The following SORCS3 variants were observed in gnomAD, a reference collection of about 807,000 sequenced individuals.
SORCS3 encodes the protein VPS10 domain-containing receptor SorCS3.
In SORCS3, 57 loss-of-function variants were observed where a neutral mutation model predicts 146.3. That is an observed-to-expected ratio of 0.39 (90% CI 0.31 to 0.49). The LOEUF is 0.49. Ranked by LOEUF, SORCS3 falls within the 20% of genes least tolerant of loss-of-function variation. SORCS3 has a pLI of 0.92. For missense variants in SORCS3, 1,341 were observed against 1,575.5 expected, an observed-to-expected ratio of 0.85 and a Z score of 2.52; for synonymous variants, 653 against 618.5, an observed-to-expected ratio of 1.06 and a Z score of -0.83.
chr10:104,714,798 C>T (rs1412593790), intron 1 of SORCS3, among the ~76,000 whole-genome samples: 1 of 152,168 alleles, frequency 6.6e-6, no homozygotes, highest in Non-Finnish European at 1.5e-5. Flanking sequence ...GACTTCCCTG[C>T]CTTTCTCTCT....
intron 22 of SORCS3, among the ~76,000 whole-genome samples, chr10:105,250,954 A>G (rs2056894515): frequency 6.6e-6 from 1 of 152,188 alleles, no homozygotes; most frequent in Non-Finnish European, 1.5e-5. Flanking sequence ...GCAAATGGAA[A>G]ACAACCAAAC....
chr10:105,029,014 G>T lies in SORCS3; in HGVS notation c.955-14041G>T, dbSNP rs941868562. ...TCAACTCTAATGAAAGTGTGGCTAT[G>T]TTCCAATCAAACTATCTTTACAAAA... On this transcript the variant is annotated intron_variant, in intron 4 of 26. Coordinates refer to ENST00000369701, the MANE Select transcript of SORCS3 (RefSeq NM_014978.3). Among the ~76,000 whole-genome samples, 4 of 152,308 alleles carry T rather than the reference G, an allele frequency of 2.6e-5. No homozygotes were observed. In the South Asian group the frequency reaches 6.2e-4, roughly 24 times the overall value.
At chr10:105,251,008 C>A (rs1486294803) in intron 22 of SORCS3, among the ~76,000 whole-genome samples, 9 of 152,200 alleles carry the variant, frequency 5.9e-5, no homozygotes. Context: ...TTAATTTTTA[C>A]TCTGTGTCAA....
At chr10:104,810,075 A>G (rs534581153) in intron 1 of SORCS3, among the ~76,000 whole-genome samples, 1 of 152,230 alleles carries the variant, frequency 6.6e-6, no homozygotes, top group Non-Finnish European at 1.5e-5. Flanking sequence ...AAGCAGAGCC[A>G]TATGCCACAT....
At chr10:105,079,655 A>G (rs369189901) in intron 5 of SORCS3, among the ~76,000 whole-genome samples, 35 of 152,166 alleles carry the variant, frequency 2.3e-4, no homozygotes, top group African/African-American at 8.0e-4. Flanking sequence ...TGATGTACAG[A>G]TTATTTTGTC....
At chr10:104,703,252 G>A (rs2016300952) in intron 1 of SORCS3, among the ~76,000 whole-genome samples, 3 of 152,078 alleles carry the variant, frequency 2.0e-5, no homozygotes, top group Admixed American at 6.6e-5. Context: ...GGCCTGATAG[G>A]TCAAATGGTA....
At chr10:105,125,679 C>CACACACACACACACACACACACACACA (rs370356129) in intron 7 of SORCS3, among the ~76,000 whole-genome samples, 12 of 144,486 alleles carry the variant, frequency 8.3e-5, no homozygotes, top group East Asian at 6.4e-4. Flanking sequence ...CACTGAATAT[C>CACACACACACACACACACACACACACA]CACACACACA....
At chr10:104,923,283 A>C (rs2019106385) in intron 3 of SORCS3, among the ~76,000 whole-genome samples, 1 of 152,286 alleles carries the variant, frequency 6.6e-6, no homozygotes, top group South Asian at 2.1e-4. Context: ...GGAAGTCCTT[A>C]GGAAGTGTAA....
At chr10:105,066,523 C>G (rs2055523709) in intron 5 of SORCS3, among the ~76,000 whole-genome samples, 1 of 152,112 alleles carries the variant, frequency 6.6e-6, no homozygotes, top group Non-Finnish European at 1.5e-5. Flanking sequence ...GATTTGCTGC[C>G]TCACATTTGG....
chr10:104,952,261 A>G (rs1190936870), intron 3 of SORCS3, among the ~76,000 whole-genome samples: 5 of 102,316 alleles, frequency 4.9e-5, no homozygotes, highest in South Asian at 6.3e-4. Context: ...GTTTGAAAAA[A>G]AAAAAAAAAA....
intron 2 of SORCS3, among the ~76,000 whole-genome samples, chr10:104,848,155 A>G (rs1473852018): frequency 1.3e-5 from 2 of 152,078 alleles, no homozygotes; most frequent in Non-Finnish European, 2.9e-5. Context: ...AATAGCCCCA[A>G]ACCAATCCCA....
chr10:104,926,958 A>T (rs1280912369), intron 3 of SORCS3, among the ~76,000 whole-genome samples: 1 of 152,190 alleles, frequency 6.6e-6, no homozygotes, highest in South Asian at 2.1e-4. Flanking sequence ...TAATTTTTTT[A>T]AAAATAAAGA....
At chr10:105,146,136 A>G (rs986078588) in intron 8 of SORCS3, among the ~76,000 whole-genome samples, 2 of 152,072 alleles carry the variant, frequency 1.3e-5, no homozygotes, top group African/African-American at 4.8e-5. Flanking sequence ...ACTCTTTGGC[A>G]TATACACCAG....
At chr10:104,940,524 G>C (rs1456992116) in intron 3 of SORCS3, among the ~76,000 whole-genome samples, 1 of 150,876 alleles carries the variant, frequency 6.6e-6, no homozygotes, top group Non-Finnish European at 1.5e-5. Context: ...ATAGTTTGCT[G>C]AGAATGATGG....
At chr10:104,903,403 A>G (rs1052708971) in intron 2 of SORCS3, among the ~76,000 whole-genome samples, 2 of 152,176 alleles carry the variant, frequency 1.3e-5, no homozygotes, top group African/African-American at 4.8e-5. Flanking sequence ...CAGAGGGGAC[A>G]GGGCAAATTG....
chr10:104,652,540 T>G, intron 1 of SORCS3, among the ~76,000 whole-genome samples: 1 of 152,198 alleles, frequency 6.6e-6, no homozygotes, highest in African/African-American at 2.4e-5. Context: ...CTAGAGACCC[T>G]TTGACAACAG....
intron 1 of SORCS3, among the ~76,000 whole-genome samples, chr10:104,687,905 T>C (rs1375276035): frequency 6.6e-6 from 1 of 152,226 alleles, no homozygotes; most frequent in Non-Finnish European, 1.5e-5. Context: ...AAATAAAGCC[T>C]GTGCTTTGCT....
intron 14 of SORCS3, among the ~76,000 whole-genome samples, chr10:105,180,458 A>G (rs1320610079): frequency 6.6e-6 from 1 of 152,262 alleles, no homozygotes; most frequent in Non-Finnish European, 1.5e-5. Flanking sequence ...AAAGGAAAGA[A>G]CACAAACAAA....
At chr10:104,662,814 CA>C (rs1288541660) in intron 1 of SORCS3, among the ~76,000 whole-genome samples, 4 of 152,212 alleles carry the variant, frequency 2.6e-5, no homozygotes, top group Admixed American at 1.3e-4. Context: ...CCAGATCACA[CA>C]GGCATTGCAT....
Sources: allele counts gnomAD v4.1 joint callset (sites outside exome capture counted in the v4.1 genomes callset), GRCh38; gene constraint gnomAD v4.1.1; transcripts MANE v1.5; gene names NCBI Gene and HGNC (gene_info 2026-07-23, HGNC 2026-07-21).